NEGR1: variants seen among roughly 807,000 people sequenced by gnomAD.
NEGR1 encodes the protein neuronal growth regulator 1, also known as IgLON family member 4.
NEGR1 carries 10 observed loss-of-function variants against 40.9 expected under a neutral mutation model. The observed-to-expected ratio is 0.24, with a 90% confidence interval of 0.15 to 0.42. The LOEUF (loss-of-function observed/expected upper bound fraction) is 0.42. NEGR1 is among the 10% of genes least tolerant of loss of function. The pLI, the probability that NEGR1 is intolerant of heterozygous loss-of-function variation, is 1.00. For synonymous variants in NEGR1, 185 were observed against 166.8 expected (o/e 1.11, Z -0.84); for missense variants, 352 against 438.9 (o/e 0.80, Z 1.77).
chr1:71,586,295 G>A (rs1003984122), intron 6 of NEGR1, among the ~76,000 whole-genome samples: 3 of 152,084 alleles, frequency 2.0e-5, no homozygotes, highest in Non-Finnish European at 4.4e-5. Flanking sequence ...TAGACAAGAA[G>A]TTTTCAAAAC....
chr1:72,244,646 C>T (rs1202259732), intron 1 of NEGR1, among the ~76,000 whole-genome samples: 1 of 151,876 alleles, frequency 6.6e-6, no homozygotes, highest in African/African-American at 2.4e-5. Context: ...AATACTACAC[C>T]ATTGTTCCCC....
chr1:71,580,995 A>G (rs1035988566), intron 6 of NEGR1, among the ~76,000 whole-genome samples: 2 of 152,228 alleles, frequency 1.3e-5, no homozygotes, highest in East Asian at 1.9e-4. Context: ...ATTGAATTCT[A>G]TAAGTTTAGA....
chr1:72,002,277 T>C (rs953022227), intron 1 of NEGR1, among the ~76,000 whole-genome samples: 2 of 152,122 alleles, frequency 1.3e-5, no homozygotes, highest in Non-Finnish European at 2.9e-5. Flanking sequence ...ATTATCATCT[T>C]AATGAATGTT....
intron 2 of NEGR1, among the ~76,000 whole-genome samples, chr1:71,934,187 G>C (rs533702907): frequency 1.3e-5 from 2 of 152,072 alleles, no homozygotes; most frequent in South Asian, 4.1e-4. Context: ...ACCAACACAC[G>C]ATTAATTTAT....
chr1:71,726,172 T>A (rs1457489124), intron 3 of NEGR1, among the ~76,000 whole-genome samples: 1 of 152,148 alleles, frequency 6.6e-6, no homozygotes, highest in Non-Finnish European at 1.5e-5. Flanking sequence ...GAATTTATTT[T>A]TTTTTCTGTG....
chr1:71,928,052 A>ACG (rs1645795735), intron 2 of NEGR1, among the ~76,000 whole-genome samples: 1 of 105,772 alleles, frequency 9.5e-6, no homozygotes, highest in Non-Finnish European at 1.8e-5. Flanking sequence ...ACACACACGT[A>ACG]TATATATACA....
intron 6 of NEGR1, among the ~76,000 whole-genome samples, chr1:71,550,023 T>C (rs1042501968): frequency 6.6e-6 from 1 of 151,664 alleles, no homozygotes; most frequent in African/African-American, 2.4e-5. Flanking sequence ...TCCTCATTTA[T>C]ATGGTAAAAT....
intron 1 of NEGR1, among the ~76,000 whole-genome samples, chr1:72,046,374 T>G (rs1647002378): frequency 6.6e-6 from 1 of 151,628 alleles, no homozygotes; most frequent in Admixed American, 6.6e-5. Context: ...TTTAAAATAT[T>G]TTTTGAGGAA....
intron 1 of NEGR1, among the ~76,000 whole-genome samples, chr1:71,960,852 T>G (rs1035127296): frequency 5.3e-5 from 8 of 152,164 alleles, no homozygotes; most frequent in Non-Finnish European, 8.8e-5. Context: ...TTTATTAAAA[T>G]GAACTGTAAG....
chr1:72,073,271 A>G (rs972603192), intron 1 of NEGR1, among the ~76,000 whole-genome samples: 1 of 152,164 alleles, frequency 6.6e-6, no homozygotes, highest in Non-Finnish European at 1.5e-5. Flanking sequence ...TCTGACCTTC[A>G]GCAAGGCAGC....
chr1:71,806,389 C>A (rs1336200715), intron 2 of NEGR1, among the ~76,000 whole-genome samples: 2 of 151,700 alleles, frequency 1.3e-5, no homozygotes, highest in Non-Finnish European at 2.9e-5. Flanking sequence ...CCTATGATAA[C>A]AAAGATTTTT....
rs1488036322 is a variant in NEGR1 at position 71,514,229 on chromosome 1, A to C, written c.940+78588T>G. On this transcript the variant is annotated intron_variant, in intron 6 of 6. Transcript: ENST00000357731. ...AACTGGGTGGAGCCCACCACAGCTC[A>C]AGGAGGCCTGCCTGCCTCTGTAGGC... Among the ~76,000 whole-genome samples, 4 of 82,460 alleles carry C rather than the reference A, an allele frequency of 4.9e-5. No homozygotes were observed. The East Asian group carries it at 1.4e-3, about 29-fold the overall frequency. 54.1% of individuals were successfully genotyped at this position (82,460 alleles called of 152,430 possible).
intron 1 of NEGR1, among the ~76,000 whole-genome samples, chr1:72,244,976 A>G (rs796610492): frequency 1.1e-4 from 17 of 152,146 alleles, no homozygotes; most frequent in African/African-American, 3.8e-4. Context: ...CGAAAAGCAC[A>G]AAAATACAAA....
intron 2 of NEGR1, among the ~76,000 whole-genome samples, chr1:71,832,827 C>T (rs1426350831): frequency 6.6e-6 from 1 of 151,998 alleles, no homozygotes; most frequent in African/African-American, 2.4e-5. Flanking sequence ...GAATTTCAAA[C>T]AGGGAAGCCT....
intron 1 of NEGR1, among the ~76,000 whole-genome samples, chr1:72,049,204 A>G (rs1557500896): frequency 6.6e-6 from 1 of 151,480 alleles, no homozygotes; most frequent in African/African-American, 2.4e-5. Context: ...AGCCAGGTGT[A>G]GTGACATACG....
chr1:71,667,968 G>T (rs566333544), intron 4 of NEGR1, among the ~76,000 whole-genome samples: 1 of 152,190 alleles, frequency 6.6e-6, no homozygotes, highest in Non-Finnish European at 1.5e-5. Context: ...AGCATATAAT[G>T]TAGTCATAAT....
At chr1:71,626,367 C>T (rs1312874669) in intron 4 of NEGR1, among the ~76,000 whole-genome samples, 1 of 134,360 alleles carries the variant, frequency 7.4e-6, no homozygotes, top group African/African-American at 2.7e-5. Context: ...CCCCCTCCCC[C>T]GACCCCACAA....
At position 72,262,765 on chromosome 1, in the gene NEGR1, C is replaced by T. The variant is rs140823581; in HGVS notation, c.176+19554G>A. 3.9e-3 allele frequency among the ~76,000 whole-genome samples: 592 copies of T among 151,790 alleles called. 3 individuals carry two copies. The highest frequency in any genetic ancestry group is 0.013 in the African/African-American group (557 of 41,440). Reference sequence around the variant, plus strand: ...AAGATATTTGTCTTCTAAAATTATTCGCAACAGCATATAATGCTTTTTAAA... The same window carrying T: ...AAGATATTTGTCTTCTAAAATTATTTGCAACAGCATATAATGCTTTTTAAA... On this transcript the variant is annotated intron_variant, in intron 1 of 6. Transcript: ENST00000357731.
intron 3 of NEGR1, among the ~76,000 whole-genome samples, chr1:71,711,433 C>A (rs1570245359): frequency 3.0e-5 from 3 of 101,428 alleles, no homozygotes; most frequent in Admixed American, 2.5e-4. Context: ...TAGGAAAATT[C>A]AATGCAAATT....
Sources: gnomAD v4.1 joint callset for allele counts (sites outside exome capture counted in the v4.1 genomes callset) on GRCh38, gnomAD v4.1.1 for gene constraint, MANE v1.5 for transcripts, NCBI Gene and HGNC (gene_info 2026-07-23, HGNC 2026-07-21) for gene names.